The following LRBA variants were observed in gnomAD, a reference collection of about 807,000 sequenced individuals.
LRBA encodes the protein lipopolysaccharide-responsive and beige-like anchor protein.
In LRBA, 176 loss-of-function variants were observed where a neutral mutation model predicts 330.0. The observed-to-expected ratio is 0.53, with a 90% CI of 0.47 to 0.60. The LOEUF (loss-of-function observed/expected upper bound fraction) is 0.60, where lower values mean the gene tolerates loss of function less well. Among genes scored for constraint, LRBA ranks in the 20% least tolerant of loss-of-function variants. The pLI, the probability that LRBA is intolerant of heterozygous loss-of-function variation, is 0.00. For synonymous variants in LRBA, 1,230 were observed against 1,193.0 expected (o/e 1.03, Z -0.64); for missense variants, 3,259 against 3,444.8 (o/e 0.95, Z 1.35).
At chr4:150,756,021 G>A (rs1287066719) in intron 35 of LRBA, among the ~76,000 whole-genome samples, 1 of 150,808 alleles carries the variant, frequency 6.6e-6, no homozygotes, top group Non-Finnish European at 1.5e-5. Context: ...ACTCTAGCCT[G>A]GGCAACAGAG....
chr4:150,290,970 T>C (rs1393596788), intron 53 of LRBA, among the ~76,000 whole-genome samples: 2 of 152,138 alleles, frequency 1.3e-5, no homozygotes, highest in Non-Finnish European at 2.9e-5. Flanking sequence ...TTATTTTTTA[T>C]TATACTTTAA....
intron 40 of LRBA, among the ~76,000 whole-genome samples, chr4:150,497,212 T>C (rs1033011035): frequency 6.6e-6 from 1 of 152,164 alleles, no homozygotes; most frequent in African/African-American, 2.4e-5. Context: ...AAGGTAGATA[T>C]CAAAGCATAG....
chr4:150,286,250 C>A (rs1157927401), intron 53 of LRBA, among the ~76,000 whole-genome samples: 3 of 152,140 alleles, frequency 2.0e-5, no homozygotes, highest in African/African-American at 7.2e-5. Flanking sequence ...ATGTGATTAT[C>A]AAGCAACAAT....
chr4:150,880,050 T>C (rs1456080316), intron 17 of LRBA, among the ~76,000 whole-genome samples: 1 of 152,024 alleles, frequency 6.6e-6, no homozygotes, highest in Non-Finnish European at 1.5e-5. Context: ...AACAGACACA[T>C]GTGTCAATGG....
intron 47 of LRBA, among the ~76,000 whole-genome samples, chr4:150,357,618 T>G (rs1738042821): frequency 6.6e-6 from 1 of 151,410 alleles, no homozygotes; most frequent in South Asian, 2.1e-4. Context: ...TATGCTAAAC[T>G]AATTATAGTA....
intron 44 of LRBA, among the ~76,000 whole-genome samples, chr4:150,442,285 A>C (rs1751944030): frequency 6.6e-6 from 1 of 152,208 alleles, no homozygotes; most frequent in Admixed American, 6.6e-5. Context: ...ATTGGGGTTA[A>C]AGAAAAGGAA....
intron 2 of LRBA, among the ~76,000 whole-genome samples, chr4:150,952,254 A>ATG (rs5862943): frequency 0.017 from 2,582 of 150,352 alleles, 35 homozygotes; most frequent in South Asian, 0.027. Flanking sequence ...CCTGTTGTAT[A>ATG]TGTGTGTGTG....
At chr4:150,546,352 TG>T (rs1264551693) in intron 40 of LRBA, among the ~76,000 whole-genome samples, 1 of 152,230 alleles carries the variant, frequency 6.6e-6, no homozygotes, top group Non-Finnish European at 1.5e-5. Flanking sequence ...GCAACAATTT[TG>T]TGTATAAAAA....
intron 40 of LRBA, among the ~76,000 whole-genome samples, chr4:150,532,610 T>C (rs1764162809): frequency 6.6e-6 from 1 of 152,104 alleles, no homozygotes; most frequent in African/African-American, 2.4e-5. Flanking sequence ...GAAATTGCTA[T>C]TTTTAAAAGT....
intron 33 of LRBA, among the ~76,000 whole-genome samples, chr4:150,802,708 T>G (rs1213798464): frequency 6.6e-6 from 1 of 152,084 alleles, no homozygotes; most frequent in Non-Finnish European, 1.5e-5. Flanking sequence ...ACTTTTAGCT[T>G]TAACTTCAAG....
At chr4:150,283,966 T>C (rs1222456132) in intron 54 of LRBA, among the ~76,000 whole-genome samples, 1 of 152,178 alleles carries the variant, frequency 6.6e-6, no homozygotes, top group Non-Finnish European at 1.5e-5. Flanking sequence ...GATAAAGCCA[T>C]GTAACATTTC....
intron 37 of LRBA, among the ~76,000 whole-genome samples, chr4:150,600,492 A>T (rs1191154638): frequency 2.0e-5 from 3 of 152,148 alleles, no homozygotes; most frequent in Non-Finnish European, 4.4e-5. Flanking sequence ...ACAGTACGTT[A>T]TTTAAAGAAA....
intron 48 of LRBA, among the ~76,000 whole-genome samples, chr4:150,340,690 G>A (rs1244744274): frequency 6.6e-6 from 1 of 152,038 alleles, no homozygotes; most frequent in Non-Finnish European, 1.5e-5. Flanking sequence ...TTCTATTCCT[G>A]TACTTTGTTA....
chr4:150,497,376 T>C (rs1428015492), intron 40 of LRBA, among the ~76,000 whole-genome samples: 1 of 152,140 alleles, frequency 6.6e-6, no homozygotes, highest in African/African-American at 2.4e-5. Context: ...TGACACACAG[T>C]CGACTCTGGT....
chr4:150,765,582 C>A (rs1735663620), intron 34 of LRBA, among the ~76,000 whole-genome samples: 1 of 151,986 alleles, frequency 6.6e-6, no homozygotes, highest in African/African-American at 2.4e-5. Flanking sequence ...AAAGTAATGT[C>A]TTTTAAAAAT....
intron 37 of LRBA, among the ~76,000 whole-genome samples, chr4:150,616,853 A>C (rs578017313): frequency 6.6e-6 from 1 of 152,338 alleles, no homozygotes; most frequent in Admixed American, 6.5e-5. Flanking sequence ...AATGCCATAG[A>C]ATTTTACAAC....
chr4:150,320,608 A>G (rs1581003575), intron 50 of LRBA, among the ~76,000 whole-genome samples: 1 of 151,768 alleles, frequency 6.6e-6, no homozygotes, highest in Non-Finnish European at 1.5e-5. Context: ...GGAGTTCAAG[A>G]CCAGCCTGGG....
chr4:150,344,668 C>A (rs1736033450), intron 48 of LRBA, among the ~76,000 whole-genome samples: 1 of 152,154 alleles, frequency 6.6e-6, no homozygotes. Flanking sequence ...CTCAAGCAAT[C>A]CTCTCATCTC....
Position 150,725,298 on chromosome 4 carries a change from A to T in LRBA, c.5754+9960T>A, listed in dbSNP as rs1729524222. The stretch of plus-strand genomic sequence containing the variant: ...AAAGAAGATTACCTCTGGGCATCTA[A>T]TAATCTAAAGGTCAAGAATAAAGAA... On this transcript the variant is annotated intron_variant, in intron 36 of 56. Transcript: ENST00000651943. Among the ~76,000 whole-genome samples the T allele has an allele frequency of 2.6e-5, 4 of 152,132 alleles. No homozygotes were observed. The South Asian group carries it at 6.2e-4, about 24-fold the overall frequency.
Sources: gnomAD v4.1 joint callset for allele counts (sites outside exome capture counted in the v4.1 genomes callset) on GRCh38, gnomAD v4.1.1 for gene constraint, MANE v1.5 for transcripts, NCBI Gene and HGNC (gene_info 2026-07-23, HGNC 2026-07-21) for gene names.